Variants in CERS6 observed in about 807,000 individuals in gnomAD.
CERS6 encodes LAG1 homolog, ceramide synthase 6.
A neutral mutation model predicts 56.8 loss-of-function variants in CERS6; 26 were observed. The observed-to-expected ratio is 0.46, with a 90% CI of 0.34 to 0.63. The LOEUF (loss-of-function observed/expected upper bound fraction) is 0.63. CERS6 is among the 30% of genes least tolerant of loss of function. The pLI, the probability that CERS6 is intolerant of heterozygous loss-of-function variation, is 0.01. For synonymous variants in CERS6, 164 were observed against 173.3 expected (o/e 0.95, Z 0.42); for missense variants, 415 against 467.5 (o/e 0.89, Z 1.04).
At position 168,573,796 on chromosome 2, in the gene CERS6, A is replaced by G. The variant is rs143009713; in HGVS notation, c.407+12474A>G. 5.2e-3 allele frequency among the ~76,000 whole-genome samples: 798 copies of G among 152,178 alleles called. 13 individuals are homozygous for G. Among genetic ancestry groups the G allele is most frequent in the African/African-American group, 0.018 (743 of 41,516 alleles). Reference sequence around the variant, plus strand: ...AGGTGAGGGGTTGGAGCAGGCCCCAATAGTAGGAGTGGTTTTGGCTTGTAT... The same window carrying G: ...AGGTGAGGGGTTGGAGCAGGCCCCAGTAGTAGGAGTGGTTTTGGCTTGTAT... On this transcript the variant is annotated intron_variant, in intron 3 of 9. Transcript: ENST00000305747.
At chr2:168,705,735 A>C (rs1686923570) in intron 6 of CERS6, among the ~76,000 whole-genome samples, 1 of 152,220 alleles carries the variant, frequency 6.6e-6, no homozygotes, top group Non-Finnish European at 1.5e-5. Context: ...TTCTGATTTT[A>C]GTAGAACACA....
At chr2:168,639,055 C>T (rs1006245549) in intron 4 of CERS6, among the ~76,000 whole-genome samples, 38 of 151,904 alleles carry the variant, frequency 2.5e-4, no homozygotes, top group African/African-American at 8.9e-4. Flanking sequence ...AAAAAAAGAA[C>T]GCATGTCAGA....
intron 1 of CERS6, among the ~76,000 whole-genome samples, chr2:168,525,125 T>G (rs916794666): frequency 6.6e-6 from 1 of 152,192 alleles, no homozygotes; most frequent in Non-Finnish European, 1.5e-5. Context: ...AGGTGCAGTG[T>G]GGGCTGCTTT....
chr2:168,676,090 T>A (rs1426832628), intron 4 of CERS6, among the ~76,000 whole-genome samples: 1 of 152,204 alleles, frequency 6.6e-6, no homozygotes, highest in South Asian at 2.1e-4. Flanking sequence ...CTACATTCAG[T>A]CTGTTGTGAT....
chr2:168,471,988 G>A (rs1332358011), intron 1 of CERS6, among the ~76,000 whole-genome samples: 1 of 152,186 alleles, frequency 6.6e-6, no homozygotes, highest in African/African-American at 2.4e-5. Flanking sequence ...GTAGATGAGA[G>A]TGTGAGTGCA....
At chr2:168,744,130 T>C (rs954614633) in intron 8 of CERS6, among the ~76,000 whole-genome samples, 7 of 150,380 alleles carry the variant, frequency 4.7e-5, no homozygotes, top group Non-Finnish European at 7.4e-5. Context: ...CTCAGCCTCC[T>C]GAGTAGCTGG....
chr2:168,658,952 T>C (rs1685560399), intron 4 of CERS6, among the ~76,000 whole-genome samples: 1 of 152,204 alleles, frequency 6.6e-6, no homozygotes, highest in Non-Finnish European at 1.5e-5. Context: ...GAAGAAGTCT[T>C]GTGAAACCTG....
At chr2:168,661,718 G>C (rs941777774) in intron 4 of CERS6, among the ~76,000 whole-genome samples, 2 of 152,168 alleles carry the variant, frequency 1.3e-5, no homozygotes, top group African/African-American at 4.8e-5. Context: ...TAGCACCTTT[G>C]AAAACTAGGA....
intron 4 of CERS6, among the ~76,000 whole-genome samples, chr2:168,673,712 T>C (rs1685981063): frequency 6.6e-6 from 1 of 152,208 alleles, no homozygotes; most frequent in African/African-American, 2.4e-5. Context: ...GCTTTTTCAG[T>C]AATTGCAGGG....
intron 8 of CERS6, among the ~76,000 whole-genome samples, chr2:168,752,684 G>T (rs949751822): frequency 6.6e-6 from 1 of 152,200 alleles, no homozygotes; most frequent in African/African-American, 2.4e-5. Flanking sequence ...ATTACTATCC[G>T]ACTTAAATGT....
At chr2:168,708,064 G>A (rs1359079091) in intron 6 of CERS6, among the ~76,000 whole-genome samples, 1 of 152,082 alleles carries the variant, frequency 6.6e-6, no homozygotes, top group East Asian at 1.9e-4. Context: ...CTTTGTTTAA[G>A]AGGTTTTATA....
intron 1 of CERS6, among the ~76,000 whole-genome samples, chr2:168,474,754 A>G (rs934915194): frequency 6.6e-6 from 1 of 152,180 alleles, no homozygotes; most frequent in South Asian, 2.1e-4. Context: ...TAACAAACAT[A>G]TTTCACCCTT....
intron 1 of CERS6, among the ~76,000 whole-genome samples, chr2:168,514,083 A>G (rs1271847852): frequency 6.6e-6 from 1 of 152,190 alleles, no homozygotes; most frequent in Non-Finnish European, 1.5e-5. Context: ...CGGTGTTGTT[A>G]TTTGCCATTT....
chr2:168,631,789 TATATATAATATA>T lies in CERS6; in HGVS notation c.465+748_465+759del, dbSNP rs1207622853. On this transcript the variant is annotated intron_variant, in intron 4 of 9. Coordinates refer to ENST00000305747, the MANE Select transcript of CERS6 (RefSeq NM_203463.3). Reference sequence around the variant, plus strand: ...ATATAATAAAGAAATGTATATTTGTTATATATAATATATATTATATAATTTATTATATATTAT... The same window carrying T: ...ATATAATAAAGAAATGTATATTTGTTTATTATATAATTTATTATATATTAT... 1.1e-4 allele frequency among the ~76,000 whole-genome samples: 13 copies of T among 123,558 alleles called. No homozygotes were observed. The Admixed American group carries it at 1.2e-3, about 11-fold the overall frequency. The allele number at this position is 123,558 out of a possible 152,430, so 81.1% of individuals were successfully genotyped here.
At chr2:168,561,824 CT>C (rs1411231194) in intron 3 of CERS6, among the ~76,000 whole-genome samples, 2 of 152,214 alleles carry the variant, frequency 1.3e-5, no homozygotes, top group East Asian at 3.9e-4. Context: ...GAATTGAAGT[CT>C]CTTCCATCTC....
chr2:168,656,070 T>A (rs1685460977), intron 4 of CERS6, among the ~76,000 whole-genome samples: 1 of 152,238 alleles, frequency 6.6e-6, no homozygotes, highest in African/African-American at 2.4e-5. Context: ...TTTGTGGGCT[T>A]GTTGCTCTTT....
At position 168,727,417 on chromosome 2, in the gene CERS6, C is replaced by T. The variant is rs144270638; in HGVS notation, c.845+9439C>T. Among the ~76,000 whole-genome samples, 355 of 152,072 alleles carry T rather than the reference C, an allele frequency of 2.3e-3. 1 individual carries two copies. The highest frequency in any genetic ancestry group is 8.2e-3 in the African/African-American group (339 of 41,484). ...TACATAAATTAGCCGGGTGTGGTGGCATGCGCCTGTAGTCCCAGCTACTCA... is the reference window on the plus strand; with the variant it reads ...TACATAAATTAGCCGGGTGTGGTGGTATGCGCCTGTAGTCCCAGCTACTCA... On this transcript the variant is annotated intron_variant, in intron 8 of 9. Coordinates refer to ENST00000305747, the MANE Select transcript of CERS6 (RefSeq NM_203463.3).
At chr2:168,664,098 C>T (rs1332902415) in intron 4 of CERS6, among the ~76,000 whole-genome samples, 2 of 152,186 alleles carry the variant, frequency 1.3e-5, no homozygotes, top group African/African-American at 2.4e-5. Context: ...CTGCTGTTAC[C>T]TCTCAGAGCC....
At chr2:168,463,399 G>C (rs1573998961) in intron 1 of CERS6, among the ~76,000 whole-genome samples, 1 of 152,192 alleles carries the variant, frequency 6.6e-6, no homozygotes, top group East Asian at 1.9e-4. Context: ...CTTAACCAGT[G>C]TTCATGTTTT....
Sources: allele counts gnomAD v4.1 joint callset (sites outside exome capture counted in the v4.1 genomes callset), GRCh38; gene constraint gnomAD v4.1.1; transcripts MANE v1.5; gene names NCBI Gene and HGNC (gene_info 2026-07-23, HGNC 2026-07-21).